Variants in MRPL22 observed in about 807,000 individuals in gnomAD.
MRPL22 encodes the protein large ribosomal subunit protein uL22m.
In MRPL22, 27 loss-of-function variants were observed where a neutral mutation model predicts 32.4. The observed-to-expected ratio is 0.83, with a 90% CI of 0.61 to 1.15. MRPL22 has a LOEUF of 1.15. Among genes scored for constraint, MRPL22 ranks in the 50% most tolerant of loss-of-function variants. The pLI is 0.00. For synonymous variants in MRPL22, 86 were observed against 87.3 expected (o/e 0.99, Z 0.08); for missense variants, 239 against 260.2 (o/e 0.92, Z 0.56).
At position 154,968,724 on chromosome 5, in the gene MRPL22, C is replaced by T. The variant is rs1764806402; in HGVS notation, c.*1827C>T. On this transcript the variant is annotated 3_prime_UTR_variant, in exon 7 of 7. Transcript: ENST00000523037. ...GGAGTTGTGACTTCCTTGGGTGTGA[C>T]TAAAGCCAGGTGGTGCCATGGACAT... 2 of 152,136 alleles carry T rather than the reference C, an allele frequency of 1.3e-5. No homozygotes were observed. The highest frequency in any genetic ancestry group is 3.9e-4 in the East Asian group (2 of 5,194). The allele number at this position is 152,136 out of a possible 1,614,324, so 9.4% of individuals were successfully genotyped here. A position where few individuals can be genotyped will look rare whatever the true frequency, so the allele number is the denominator to read the frequency against.
chr5:154,958,324 C>G (rs908382044), intron 5 of MRPL22, among the ~76,000 whole-genome samples: 4 of 151,914 alleles, frequency 2.6e-5, no homozygotes, highest in African/African-American at 9.7e-5. Flanking sequence ...TAATTCTCAC[C>G]AAAAGTCAGT....
At chr5:154,966,427 G>A (rs13156669) in intron 6 of MRPL22, among the ~76,000 whole-genome samples, 16,400 of 152,138 alleles carry the variant, frequency 0.11, 1,582 homozygotes, top group East Asian at 0.51. Context: ...TTTATTTTAC[G>A]TCTTTCTTCT....
intron 2 of MRPL22, among the ~76,000 whole-genome samples, chr5:154,943,637 C>T (rs192993290): frequency 2.9e-4 from 44 of 149,486 alleles, no homozygotes; most frequent in African/African-American, 9.9e-4. Context: ...TATACACATA[C>T]ATACATGTAT....
At chr5:154,966,328 C>T (rs886988835) in intron 6 of MRPL22, among the ~76,000 whole-genome samples, 1 of 152,220 alleles carries the variant, frequency 6.6e-6, no homozygotes, top group African/African-American at 2.4e-5. Context: ...CCTCTTGACA[C>T]TCCCAGTCTG....
At chr5:154,962,189 A>C (rs190829687) in intron 6 of MRPL22, among the ~76,000 whole-genome samples, 2 of 152,350 alleles carry the variant, frequency 1.3e-5, no homozygotes, top group African/African-American at 4.8e-5. Context: ...CAGGAAGAGT[A>C]TGATGTGTCA....
intron 3 of MRPL22, among the ~76,000 whole-genome samples, chr5:154,954,815 G>A (rs1764610116): frequency 6.6e-6 from 1 of 151,904 alleles, no homozygotes; most frequent in Non-Finnish European, 1.5e-5. Flanking sequence ...TTTTTGAGAC[G>A]GAGTCTCGCT....
chr5:154,946,992 G>A (rs948395754), intron 2 of MRPL22, among the ~76,000 whole-genome samples: 12 of 150,700 alleles, frequency 8.0e-5, no homozygotes, highest in Admixed American at 7.3e-4. Flanking sequence ...CTAGCCATCA[G>A]TGTTTATCAT....
intron 2 of MRPL22, among the ~76,000 whole-genome samples, chr5:154,949,695 G>C (rs1287710270): frequency 6.6e-6 from 1 of 152,166 alleles, no homozygotes; most frequent in African/African-American, 2.4e-5. Context: ...AGTGATATAG[G>C]GGAGTAGCGG....
chr5:154,949,344 C>T (rs758413572), intron 2 of MRPL22, among the ~76,000 whole-genome samples: 2 of 152,106 alleles, frequency 1.3e-5, no homozygotes, highest in Non-Finnish European at 2.9e-5. Context: ...AAAAGGATAG[C>T]ATTAGAATAT....
At chr5:154,959,722 C>T (rs1055155812) in intron 5 of MRPL22, among the ~76,000 whole-genome samples, 3 of 152,152 alleles carry the variant, frequency 2.0e-5, no homozygotes, top group African/African-American at 7.2e-5. Context: ...TTACAAGCAC[C>T]GCTATCTCCT....
chr5:154,943,662 A>G (rs1269737469), intron 2 of MRPL22, among the ~76,000 whole-genome samples: 2 of 151,534 alleles, frequency 1.3e-5, no homozygotes, highest in African/African-American at 4.8e-5. Flanking sequence ...ACACACATAT[A>G]TATATAGATA....
chr5:154,942,877 A>G (rs1764438734), intron 2 of MRPL22, among the ~76,000 whole-genome samples: 1 of 152,220 alleles, frequency 6.6e-6, no homozygotes, highest in South Asian at 2.1e-4. Context: ...ACCAACTTGT[A>G]TTAAGAAGCT....
rs1764778565 is a variant in MRPL22, at chr5:154,966,962, T to G, written c.*65T>G. On this transcript the variant is annotated 3_prime_UTR_variant, in exon 7 of 7. Coordinates refer to ENST00000523037, the MANE Select transcript of MRPL22 (RefSeq NM_014180.4). The stretch of plus-strand genomic sequence containing the variant: ...TTATTTTCTAAAAATAAACAAAAAT[T>G]GAAGGCAAATGCTTTTTATGATTTC... 1.4e-6 allele frequency: 2 copies of G among 1,434,054 alleles called. No individual in the cohort carries two copies. The highest frequency in any genetic ancestry group is 1.9e-6 in the Non-Finnish European group (2 of 1,059,962). The allele number at this position is 1,434,054 out of a possible 1,614,324, so 88.8% of individuals were successfully genotyped here.
At position 154,966,761 on chromosome 5, in the gene MRPL22, A is replaced by G; in HGVS notation, c.485A>G (p.Glu162Gly). The G allele has an allele frequency of 6.2e-7, 1 of 1,614,164 alleles. No individual in the cohort carries two copies. The highest frequency in any genetic ancestry group is 8.5e-7 in the Non-Finnish European group (1 of 1,180,018). The change falls in exon 7 of 7, where the codon GAG (glutamate) becomes GGG (glycine). Residue 162 changes from glutamate to glycine, a missense_variant. Glu to Gly is a moderately conservative substitution (Grantham distance 98). Transcript: ENST00000523037. ...YHGRGRFGIM[E>G]KVYCHYFVKL... is the part of the protein sequence containing the mutation. ...GGCAGAGGTCGCTTTGGGATCATGG[A>G]GAAGGTTTATTGCCATTATTTTGTG...
intron 4 of MRPL22, 51 bp downstream of exon 4, chr5:154,956,487 A>G (rs1264423643): frequency 7.7e-7 from 1 of 1,300,376 alleles, no homozygotes; most frequent in Non-Finnish European, 1.1e-6. Context: ...GAAAGAAGCT[A>G]TGAGTTCCCC....
At position 154,950,805 on chromosome 5, in the gene MRPL22, T is replaced by G. The variant is rs1332195696; in HGVS notation, c.78-16T>G. ...CCTAAGTGTCTGTTGTTTTATAGGC[T>G]TCTTTCATTTCACAGTGTTTTACCT... is the stretch of plus-strand genomic sequence containing the variant. On this transcript the variant is annotated splice_polypyrimidine_tract_variant and intron_variant, in intron 2 of 6. Transcript: ENST00000523037. 3.9e-6 allele frequency: 6 copies of G among 1,539,260 alleles called. No homozygotes were observed. Among genetic ancestry groups the G allele is most frequent in the Admixed American group, 1.7e-5 (1 of 59,656 alleles).
At chr5:154,949,991 C>T (rs1764537848) in intron 2 of MRPL22, among the ~76,000 whole-genome samples, 1 of 152,150 alleles carries the variant, frequency 6.6e-6, no homozygotes, top group African/African-American at 2.4e-5. Context: ...TAGTCCATTT[C>T]ACACTGCTAT....
chr5:154,956,029 CT>C, intron 3 of MRPL22: 1 of 206,196 alleles, frequency 4.8e-6, no homozygotes, highest in Non-Finnish European at 9.6e-6. Context: ...TTTTCTTGTA[CT>C]TTTTCTTTTG....
chr5:154,949,093 C>T (rs1764527416), intron 2 of MRPL22, among the ~76,000 whole-genome samples: 1 of 152,076 alleles, frequency 6.6e-6, no homozygotes, highest in African/African-American at 2.4e-5. Context: ...GTTCTGGGCT[C>T]ATTTTGTATG....
Sources: gnomAD v4.1 joint callset for allele counts (sites outside exome capture counted in the v4.1 genomes callset) on GRCh38, gnomAD v4.1.1 for gene constraint, MANE v1.5 for transcripts, NCBI Gene and HGNC (gene_info 2026-07-23, HGNC 2026-07-21) for gene names.